GARRE1: variants seen among roughly 807,000 people sequenced by gnomAD.
GARRE1 encodes the protein granule associated Rac and RHOG effector 1, also known as granule associated Rac and RHOG effector protein 1.
In GARRE1, 49 loss-of-function variants were observed where a neutral mutation model predicts 103.2. That is an observed-to-expected ratio of 0.47 (90% CI 0.38 to 0.60). The LOEUF (loss-of-function observed/expected upper bound fraction) is 0.60. GARRE1 is among the 20% of genes least tolerant of loss of function. GARRE1 has a pLI of 0.00. For missense variants in GARRE1, 1,199 were observed against 1,370.5 expected, an observed-to-expected ratio of 0.87 and a Z score of 1.98; for synonymous variants, 505 against 532.8, an observed-to-expected ratio of 0.95 and a Z score of 0.72.
At chr19:34,262,788 C>G (rs1299191857) in intron 1 of GARRE1, among the ~76,000 whole-genome samples, 1 of 152,134 alleles carries the variant, frequency 6.6e-6, no homozygotes, top group Non-Finnish European at 1.5e-5. Context: ...AGGACAGGTG[C>G]AGATGTGGAT....
intron 3 of GARRE1, among the ~76,000 whole-genome samples, chr19:34,320,905 C>CTT (rs35585974): frequency 5.5e-4 from 69 of 125,078 alleles, no homozygotes; most frequent in East Asian, 2.7e-3. Flanking sequence ...ATTATTATTA[C>CTT]TTTTTTTTTT....
intron 1 of GARRE1, among the ~76,000 whole-genome samples, chr19:34,262,664 C>G (rs917353457): frequency 6.6e-6 from 1 of 152,088 alleles, no homozygotes; most frequent in Non-Finnish European, 1.5e-5. Context: ...TGTTTAAAAG[C>G]TTTTTGTGAT....
rs1440175014 is a variant in GARRE1, at chr19:34,342,311, C to T, written c.2377C>T (p.Leu793=). The part of the protein sequence containing the change: ...DLSSDLYSLG[L]VSSYMDNVMS... ...CAGTTCTGACTTGTACAGCTTGGGTCTGGTGAGCAGCTATATGGATAATGT... is the reference window on the plus strand; with the variant it reads ...CAGTTCTGACTTGTACAGCTTGGGTTTGGTGAGCAGCTATATGGATAATGT... The change falls in exon 10 of 14, where the codon CTG becomes TTG. Residue 793 remains leucine, a synonymous_variant. Transcript: ENST00000299505. The T allele has an allele frequency of 6.2e-7, 1 of 1,614,142 alleles. No individual in the cohort carries two copies. Among genetic ancestry groups the T allele is most frequent in the South Asian group, 1.1e-5 (1 of 91,074 alleles).
At chr19:34,342,583 T>C (rs1452674386) in intron 10 of GARRE1, 128 bp downstream of exon 10, 2 of 845,910 alleles carry the variant, frequency 2.4e-6, no homozygotes, top group East Asian at 5.1e-5. Context: ...TACGACCCTT[T>C]CTCACTGTGG....
intron 1 of GARRE1, chr19:34,296,164 C>A: frequency 7.3e-4 from 140 of 191,376 alleles, no homozygotes; most frequent in Middle Eastern, 1.2e-3. Flanking sequence ...TTTTTTTTTT[C>A]TTGCGTCAGT....
At chr19:34,316,419 TG>T (rs916931792) in intron 2 of GARRE1, among the ~76,000 whole-genome samples, 44 of 152,234 alleles carry the variant, frequency 2.9e-4, no homozygotes, top group African/African-American at 9.9e-4. Flanking sequence ...TCCACAGCCC[TG>T]GGGTCACACT....
chr19:34,341,275 T>G, intron 9 of GARRE1, 147 bp from the exon 10 acceptor site: 1 of 650,702 alleles, frequency 1.5e-6, no homozygotes, highest in South Asian at 2.1e-5. Flanking sequence ...AACCCCTGGG[T>G]GTTCATTTAT....
At position 34,341,479 on chromosome 19, in the gene GARRE1, C is replaced by A; in HGVS notation, c.1545C>A (p.Gly515=). The A allele has an allele frequency of 6.2e-7, 1 of 1,613,844 alleles. No homozygotes were observed. ...IQLQREICDF[G]NQADLPSGNG... is the part of the protein sequence containing the mutation. ...TGCAAAGGGAGATCTGTGATTTTGG[C>A]AACCAGGCTGACCTGCCTTCTGGAA... is the stretch of plus-strand genomic sequence containing the variant. The change falls in exon 10 of 14, where the codon GGC becomes GGA. Residue 515 remains glycine, a synonymous_variant. Coordinates refer to ENST00000299505, the MANE Select transcript of GARRE1 (RefSeq NM_014686.5).
intron 1 of GARRE1, among the ~76,000 whole-genome samples, chr19:34,277,699 C>T (rs938366008): frequency 4.6e-5 from 7 of 152,052 alleles, no homozygotes; most frequent in African/African-American, 1.7e-4. Context: ...ATAAACTTCT[C>T]CATCAAGTTT....
At chr19:34,286,413 G>A (rs1017651887) in intron 1 of GARRE1, among the ~76,000 whole-genome samples, 2 of 151,818 alleles carry the variant, frequency 1.3e-5, no homozygotes, top group African/African-American at 4.8e-5. Context: ...TAGAGACAGG[G>A]TTTCACCGTG....
chr19:34,317,323 A>T (rs1314183919), intron 2 of GARRE1, among the ~76,000 whole-genome samples: 1 of 152,234 alleles, frequency 6.6e-6, no homozygotes, highest in African/African-American at 2.4e-5. Context: ...CATATCAGGC[A>T]TCCCCATCTT....
intron 6 of GARRE1, among the ~76,000 whole-genome samples, chr19:34,329,669 G>T (rs1256215067): frequency 6.6e-6 from 1 of 151,876 alleles, no homozygotes; most frequent in Admixed American, 6.6e-5. Flanking sequence ...AACTGCATCT[G>T]TACTAAAAAT....
At position 34,300,288 on chromosome 19, in the gene GARRE1, TTAA is replaced by T. The variant is rs2145240783; in HGVS notation, c.-184_-182del. The T allele has an allele frequency of 1.9e-6, 1 of 518,208 alleles. No homozygotes were observed. Among genetic ancestry groups the T allele is most frequent in the African/African-American group, 1.9e-5 (1 of 52,926 alleles). The allele number at this position is 518,208 out of a possible 1,614,324, so 32.1% of individuals were successfully genotyped here. On this transcript the variant is annotated 5_prime_UTR_variant, in exon 2 of 14. Coordinates refer to ENST00000299505, the MANE Select transcript of GARRE1 (RefSeq NM_014686.5). ...AGAGATCCTGTCTACACTGAAAATA[TTAA>T]TTATATAAACCTGTTGTCTCTCACC...
chr19:34,293,912 C>G (rs2073932909), intron 1 of GARRE1, among the ~76,000 whole-genome samples: 1 of 151,674 alleles, frequency 6.6e-6, no homozygotes, highest in Non-Finnish European at 1.5e-5. Context: ...GCACGCGTCA[C>G]TACACCTGGC....
rs1406109911 is a variant in GARRE1 at position 34,347,915 on chromosome 19, G to GTGAGCCAGGCGATGCAGCAGAAGCGGC, written c.2561_2587dup (p.Arg862_Gln863insLeuSerGlnAlaMetGlnGlnLysArg). The GTGAGCCAGGCGATGCAGCAGAAGCGGC allele has an allele frequency of 1.3e-6, 2 of 1,592,158 alleles. No homozygotes were observed. Among genetic ancestry groups the GTGAGCCAGGCGATGCAGCAGAAGCGGC allele is most frequent in the Non-Finnish European group, 1.7e-6 (2 of 1,168,300 alleles). ...AGAGTTTGCACGCTATGTGGCAGGA[G>GTGAGCCAGGCGATGCAGCAGAAGCGGC]TGAGCCAGGCGATGCAGCAGAAGCG... On this transcript the variant is annotated inframe_insertion, in exon 11 of 14. Transcript: ENST00000299505.
At chr19:34,292,820 C>T (rs2073925684) in intron 1 of GARRE1, among the ~76,000 whole-genome samples, 2 of 151,948 alleles carry the variant, frequency 1.3e-5, no homozygotes, top group South Asian at 2.1e-4. Flanking sequence ...CTGCAAGGCT[C>T]CGCCTTCCGG....
At chr19:34,278,071 A>T (rs2073828355) in intron 1 of GARRE1, among the ~76,000 whole-genome samples, 1 of 151,946 alleles carries the variant, frequency 6.6e-6, no homozygotes, top group Admixed American at 6.6e-5. Flanking sequence ...TTTATTATAC[A>T]TTTCAGTGGC....
intron 10 of GARRE1, among the ~76,000 whole-genome samples, chr19:34,342,788 C>A (rs1183119199): frequency 6.6e-6 from 1 of 152,102 alleles, no homozygotes; most frequent in African/African-American, 2.4e-5. Flanking sequence ...AGGTCAGCAG[C>A]CCTTTGTGGG....
chr19:34,295,378 C>A (rs1174152421), intron 1 of GARRE1, among the ~76,000 whole-genome samples: 1 of 152,070 alleles, frequency 6.6e-6, no homozygotes, highest in Non-Finnish European at 1.5e-5. Context: ...AAAGGTGATT[C>A]TATTATTTTG....
Sources: gnomAD v4.1 joint callset for allele counts (sites outside exome capture counted in the v4.1 genomes callset) on GRCh38, gnomAD v4.1.1 for gene constraint, MANE v1.5 for transcripts, NCBI Gene and HGNC (gene_info 2026-07-23, HGNC 2026-07-21) for gene names.